The following ICE2 variants were observed in gnomAD, a reference collection of about 807,000 sequenced individuals.
ICE2 encodes interactor of little elongation complex ELL subunit 2, also known as little elongation complex subunit 2.
Under a neutral mutation model 105.4 loss-of-function variants are expected in ICE2, and 87 were observed. The ratio of observed to expected loss-of-function variants is 0.83; its 90% CI spans 0.69 to 0.99. ICE2 has a LOEUF of 0.99. Among genes scored for constraint, ICE2 ranks in the 50% least tolerant of loss-of-function variants. The pLI is 0.00. For missense variants in ICE2, 1,323 were observed against 1,146.7 expected (o/e 1.15, Z -2.22); for synonymous variants, 399 against 392.0 (o/e 1.02, Z -0.21).
intron 6 of ICE2, 117 bp downstream of exon 6, chr15:60,456,540 C>CAAA (rs1425301397): frequency 0.018 from 657 of 36,462 alleles, 26 homozygotes; most frequent in African/African-American, 0.041. Context: ...ACTCTGTCTC[C>CAAA]AAAAAAAAAA....
intron 13 of ICE2, among the ~76,000 whole-genome samples, chr15:60,433,785 C>T (rs1386891785): frequency 7.3e-6 from 1 of 137,526 alleles, no homozygotes; most frequent in Non-Finnish European, 1.6e-5. Flanking sequence ...GCCACTGAGC[C>T]TGACCTCCTC....
rs765375709 is a variant in ICE2, at chr15:60,423,633, C to G, written c.*1G>C. 1.1e-5 allele frequency: 18 copies of G among 1,604,854 alleles called. No individual in the cohort carries two copies. In the South Asian group the frequency reaches 2.0e-4, roughly 18 times the overall value. ...AAATTTAGTTTTCCATGGTACAGTC[C>G]TCAAGTTATTTTTCTTTTATGTGGA... On this transcript the variant is annotated 3_prime_UTR_variant, in exon 16 of 16. Transcript: ENST00000261520.
intron 8 of ICE2, 74 bp downstream of exon 8, chr15:60,454,926 ACTC>A: frequency 7.7e-7 from 1 of 1,300,440 alleles, no homozygotes; most frequent in South Asian, 1.5e-5. Context: ...TCATTGTTCA[ACTC>A]CTATTTATGA....
At chr15:60,432,118 T>TG (rs60675189) in intron 13 of ICE2, 134 bp from the exon 14 acceptor site, 2 of 345,402 alleles carry the variant, frequency 5.8e-6, no homozygotes, top group African/African-American at 4.3e-5. Context: ...ATACAAAAAA[T>TG]CTGAAACTTA....
chr15:60,451,671 A>G (rs1306089991), intron 9 of ICE2: 2 of 924,294 alleles, frequency 2.2e-6, no homozygotes, highest in Non-Finnish European at 2.6e-6. Flanking sequence ...CTGAAAACTC[A>G]GGCTGTCATT....
chr15:60,449,231 A>G lies in ICE2; in HGVS notation c.1736T>C (p.Ile579Thr). The part of the protein sequence containing the change: ...CSSDTDEECL[I>T]IDTECKNNSD... ...ATTATTTTTACATTCTGTATCAATG[A>G]TTAAACACTCCTCATCTGTATCACT... Residue 579 changes from isoleucine to threonine, a missense_variant, in exon 10 of 16, where the codon ATC (isoleucine) becomes ACC (threonine). By Grantham distance (89) the Ile-to-Thr change is moderately conservative. Transcript: ENST00000261520. 6.2e-7 allele frequency: 1 copy of G among 1,613,996 alleles called. No individual in the cohort carries two copies. The highest frequency in any genetic ancestry group is 8.5e-7 in the Non-Finnish European group (1 of 1,180,030).
intron 9 of ICE2, chr15:60,453,239 T>G: frequency 5.0e-6 from 5 of 1,009,288 alleles, no homozygotes; most frequent in Non-Finnish European, 5.9e-6. Flanking sequence ...CTCAAAAAAA[T>G]AAAACTCTTG....
chr15:60,435,425 C>A (rs2063562605), intron 13 of ICE2, among the ~76,000 whole-genome samples: 1 of 151,942 alleles, frequency 6.6e-6, no homozygotes, highest in Admixed American at 6.6e-5. Flanking sequence ...TATGGAGAAA[C>A]CCTGTCTCTA....
At chr15:60,446,126 T>C (rs1330119917) in intron 11 of ICE2, among the ~76,000 whole-genome samples, 1 of 152,218 alleles carries the variant, frequency 6.6e-6, no homozygotes, top group Non-Finnish European at 1.5e-5. Context: ...ACCAAACAGT[T>C]TTCAATTAAA....
chr15:60,432,633 C>T (rs1280127319), intron 13 of ICE2, among the ~76,000 whole-genome samples: 1 of 151,946 alleles, frequency 6.6e-6, no homozygotes, highest in Non-Finnish European at 1.5e-5. Flanking sequence ...TGGCTCACGC[C>T]TGTAATCCCA....
chr15:60,473,009 T>C (rs1011015491), intron 3 of ICE2, among the ~76,000 whole-genome samples: 1 of 152,010 alleles, frequency 6.6e-6, no homozygotes, highest in East Asian at 1.9e-4. Flanking sequence ...AGTGGTGTGA[T>C]CATGGCTCAC....
rs2064817710 is a variant in ICE2, at chr15:60,478,106, G to A, written c.-92-37C>T. On this transcript the variant is annotated intron_variant, in intron 1 of 15. Coordinates refer to ENST00000261520, the MANE Select transcript of ICE2 (RefSeq NM_024611.6). ...CAAAAGGCCAAGATCAAAAGCAAGTGATTGGCTAGGCCAGGTGCTATTAGG... is the reference window on the plus strand; with the variant it reads ...CAAAAGGCCAAGATCAAAAGCAAGTAATTGGCTAGGCCAGGTGCTATTAGG... 1.2e-5 allele frequency: 10 copies of A among 803,448 alleles called. No individual in the cohort carries two copies. In the East Asian group the frequency reaches 2.5e-4, roughly 20 times the overall value. 49.8% of individuals were successfully genotyped at this position (803,448 alleles called of 1,614,324 possible).
intron 8 of ICE2, among the ~76,000 whole-genome samples, chr15:60,454,351 CAAGTA>C (rs1411221032): frequency 6.6e-6 from 1 of 151,974 alleles, no homozygotes; most frequent in East Asian, 1.9e-4. Context: ...CAGTAACGAA[CAAGTA>C]AATAAGTCAT....
chr15:60,434,264 C>T (rs1332781858), intron 13 of ICE2, among the ~76,000 whole-genome samples: 3 of 152,218 alleles, frequency 2.0e-5, no homozygotes, highest in Admixed American at 6.5e-5. Context: ...ATTTCAGTCA[C>T]GTGTATAATG....
At chr15:60,471,426 T>G (rs1567012651) in intron 3 of ICE2, among the ~76,000 whole-genome samples, 1 of 152,210 alleles carries the variant, frequency 6.6e-6, no homozygotes, top group Admixed American at 6.5e-5. Flanking sequence ...CTCTTAACAG[T>G]ACTGCTTCAC....
At chr15:60,464,017 T>G (rs2064352401) in intron 5 of ICE2, among the ~76,000 whole-genome samples, 2 of 152,238 alleles carry the variant, frequency 1.3e-5, no homozygotes, top group African/African-American at 4.8e-5. Context: ...AATTATCTGT[T>G]AAGCTGCATC....
intron 5 of ICE2, among the ~76,000 whole-genome samples, chr15:60,460,375 G>A (rs1306681953): frequency 1.3e-5 from 2 of 152,230 alleles, no homozygotes; most frequent in African/African-American, 4.8e-5. Context: ...GCAGGTGCCT[G>A]TAATCTCAGC....
At chr15:60,452,366 A>T in intron 9 of ICE2, 1 of 597,096 alleles carries the variant, frequency 1.7e-6, no homozygotes, top group Non-Finnish European at 2.1e-6. Flanking sequence ...GTCTCTGTCC[A>T]CATTTCCTAT....
At chr15:60,434,151 C>T (rs2063526117) in intron 13 of ICE2, among the ~76,000 whole-genome samples, 1 of 152,178 alleles carries the variant, frequency 6.6e-6, no homozygotes, top group African/African-American at 2.4e-5. Flanking sequence ...ATAATACTAC[C>T]ACCAGCCTTT....
Sources: gnomAD v4.1 joint callset for allele counts (sites outside exome capture counted in the v4.1 genomes callset) on GRCh38, gnomAD v4.1.1 for gene constraint, MANE v1.5 for transcripts, NCBI Gene and HGNC (gene_info 2026-07-23, HGNC 2026-07-21) for gene names.